The following AFMID variants were observed in gnomAD, a reference collection of about 807,000 sequenced individuals.
The protein encoded by AFMID is kynurenine formamidase.
A neutral mutation model predicts 47.5 loss-of-function variants in AFMID; 39 were observed. That is an observed-to-expected ratio of 0.82 (90% CI 0.64 to 1.07). The LOEUF (loss-of-function observed/expected upper bound fraction) is 1.07. Among genes scored for constraint, AFMID ranks in the 50% least tolerant of loss-of-function variants. AFMID has a pLI of 0.00. For synonymous variants in AFMID, 130 were observed against 153.2 expected, an observed-to-expected ratio of 0.85 and a Z score of 1.12; for missense variants, 375 against 387.5, an observed-to-expected ratio of 0.97 and a Z score of 0.27.
chr17:78,206,809 G>C (rs1417125866), intron 10 of AFMID, 102 bp from the exon 11 acceptor site: 15 of 1,352,152 alleles, frequency 1.1e-5, no homozygotes, highest in Non-Finnish European at 1.6e-5. Flanking sequence ...TGGGGTTGCA[G>C]ACGTGAGCCA....
At chr17:78,199,164 G>A (rs1480226075) in intron 2 of AFMID, among the ~76,000 whole-genome samples, 1 of 152,262 alleles carries the variant, frequency 6.6e-6, no homozygotes, top group African/African-American at 2.4e-5. Flanking sequence ...GCAGCTTCCT[G>A]CCTGGATTGG....
At chr17:78,198,026 C>T (rs553762920) in intron 2 of AFMID, among the ~76,000 whole-genome samples, 5 of 152,096 alleles carry the variant, frequency 3.3e-5, no homozygotes, top group East Asian at 1.9e-4. Context: ...CCCTGGAGTT[C>T]GAGAACAGCC....
chr17:78,191,038 C>A lies in AFMID; in HGVS notation c.132C>A (p.Thr44=), dbSNP rs897087402. ...VRLGAEEALR[T]YSQIGIEATT... ...TGGGAGCAGAGGAAGCCTTGAGGAC[C>A]TACTCACAGATAGGAATTGAAGGTA... The change falls in exon 2 of 11, where the codon ACC becomes ACA. Residue 44 remains threonine, a synonymous_variant. Transcript: ENST00000409257. The A allele has an allele frequency of 6.2e-7, 1 of 1,614,042 alleles. No homozygotes were observed. The highest frequency in any genetic ancestry group is 1.7e-5 in the Admixed American group (1 of 59,996).
At chr17:78,203,153 C>T (rs55788926) in intron 4 of AFMID, 26,192 of 166,548 alleles carry the variant, frequency 0.16, 2,693 homozygotes, top group Non-Finnish European at 0.22. Context: ...TTCTGCCTCC[C>T]GGGCTCAAGC....
intron 1 of AFMID, among the ~76,000 whole-genome samples, chr17:78,189,297 G>C (rs537350526): frequency 6.9e-6 from 1 of 144,848 alleles, no homozygotes; most frequent in African/African-American, 2.6e-5. Flanking sequence ...ATCTCAGCTC[G>C]CTGCAACCTC....
At position 78,187,403 on chromosome 17, in the gene AFMID, C is replaced by G. The variant is rs2075822447; in HGVS notation, c.33C>G (p.Ser11Arg). The change falls in exon 1 of 11, where the codon AGC becomes AGG. Residue 11 changes from serine to arginine, a missense_variant. Physicochemically the swap from Ser to Arg is moderately radical, Grantham distance 110. Coordinates refer to ENST00000409257, the MANE Select transcript of AFMID (RefSeq NM_001010982.5). The part of the protein sequence containing the change: MMDVSGVGFP[S>R]KVPWKKMSAE... Reference sequence around the variant, plus strand: ...ATGTGTCTGGTGTGGGTTTCCCAAGCAAGGTTCCTTGGAAGAAGATGTCTG... The same window carrying G: ...ATGTGTCTGGTGTGGGTTTCCCAAGGAAGGTTCCTTGGAAGAAGATGTCTG... 6.2e-7 allele frequency: 1 copy of G among 1,613,886 alleles called. No individual in the cohort carries two copies. The highest frequency in any genetic ancestry group is 8.5e-7 in the Non-Finnish European group (1 of 1,179,958).
intron 4 of AFMID, 124 bp downstream of exon 4, chr17:78,202,875 A>C: frequency 4.0e-5 from 48 of 1,193,006 alleles, no homozygotes; most frequent in Non-Finnish European, 5.2e-5. Context: ...GCTGTGTCTC[A>C]CAGCGCTGGA....
At position 78,197,129 on chromosome 17, in the gene AFMID, A is replaced by C; in HGVS notation, c.155-5370A>C. ...TTTTCTTAATCGTAGCACAACTTTAATCTAGTCCATTTATAGGCTTGAGAA... is the reference window on the plus strand; with the variant it reads ...TTTTCTTAATCGTAGCACAACTTTACTCTAGTCCATTTATAGGCTTGAGAA... On this transcript the variant is annotated intron_variant, in intron 2 of 10. Transcript: ENST00000409257. The C allele has an allele frequency of 1.9e-6, 3 of 1,547,074 alleles. No homozygotes were observed. In the East Asian group the frequency reaches 7.3e-5, roughly 38 times the overall value.
intron 2 of AFMID, among the ~76,000 whole-genome samples, chr17:78,198,837 C>A (rs572495619): frequency 4.7e-4 from 70 of 150,082 alleles, no homozygotes; most frequent in South Asian, 1.2e-3. Context: ...AAAACAAAAC[C>A]AAAACCACAC....
intron 4 of AFMID, chr17:78,203,057 T>C (rs8081565): frequency 0.036 from 1,734 of 47,614 alleles, 17 homozygotes; most frequent in African/African-American, 0.16. Flanking sequence ...TCCTCTCTCT[T>C]TTTTTTTTTT....
At chr17:78,201,378 T>C (rs956887908) in intron 2 of AFMID, among the ~76,000 whole-genome samples, 2 of 151,686 alleles carry the variant, frequency 1.3e-5, no homozygotes, top group African/African-American at 4.8e-5. Flanking sequence ...CCCAGCACTT[T>C]GGGAGGCCGA....
intron 1 of AFMID, among the ~76,000 whole-genome samples, chr17:78,189,899 C>G (rs1339565497): frequency 2.7e-5 from 4 of 148,268 alleles, no homozygotes; most frequent in African/African-American, 1.0e-4. Flanking sequence ...TAGCATGATC[C>G]CGGCTCACTG....
Position 78,202,045 on chromosome 17 carries a change from G to A in AFMID, c.155-454G>A, listed in dbSNP as rs371248651. ...GCACCCAGCCTGGCAGTCCTCTTTC[G>A]ATGGGAGGTGCTCAGAGCTGAAGCT... On this transcript the variant is annotated intron_variant, in intron 2 of 10. Coordinates refer to ENST00000409257, the MANE Select transcript of AFMID (RefSeq NM_001010982.5). Among the ~76,000 whole-genome samples, 170 of 151,896 alleles carry A rather than the reference G, an allele frequency of 1.1e-3. 2 individuals carry two copies. The highest frequency in any genetic ancestry group is 3.6e-3 in the African/African-American group (149 of 41,434).
rs762027873 is a variant in AFMID, at chr17:78,205,618, G to A, written c.660G>A (p.Arg220=). ...ALQLTLEDAQ[R]NSPQLKVAQA... is the part of the protein sequence containing the mutation. ...CCCACCCCAGGGAGGACGCTCAGAG[G>A]AATAGCCCCCAGCTGAAGGTGGCCC... The change falls in exon 9 of 11, where the codon AGG becomes AGA. Residue 220 remains arginine, a synonymous_variant. Coordinates refer to ENST00000409257, the MANE Select transcript of AFMID (RefSeq NM_001010982.5). 3.1e-6 allele frequency: 5 copies of A among 1,613,704 alleles called. No homozygotes were observed. In the East Asian group the frequency reaches 1.1e-4, roughly 36 times the overall value.
At position 78,202,872 on chromosome 17, in the gene AFMID, C is replaced by A. The variant is rs578110423; in HGVS notation, c.308+121C>A. 3.3e-6 allele frequency: 4 copies of A among 1,201,968 alleles called. No individual in the cohort carries two copies. The African/African-American group carries it at 4.5e-5, about 14-fold the overall frequency. The allele number at this position is 1,201,968 out of a possible 1,614,324, so 74.5% of individuals were successfully genotyped here. ...CTGGGCACTCCTTGCAGGGCTGTGT[C>A]TCACAGCGCTGGAGAACGGAAGTCT... On this transcript the variant is annotated intron_variant, in intron 4 of 10. Coordinates refer to ENST00000409257, the MANE Select transcript of AFMID (RefSeq NM_001010982.5).
Position 78,204,599 on chromosome 17 carries a change from A to C in AFMID, c.309-57A>C, listed in dbSNP as rs948504420. On this transcript the variant is annotated intron_variant, in intron 4 of 10. Coordinates refer to ENST00000409257, the MANE Select transcript of AFMID (RefSeq NM_001010982.5). ...CTGGCAAGTGGTGTGTCCAGGACAC[A>C]GGAAGCAGCGTAGTGGCCAAGCTGC... The C allele has an allele frequency of 1.9e-6, 3 of 1,557,504 alleles. No homozygotes were observed. In the Admixed American group the frequency reaches 5.0e-5, roughly 26 times the overall value.
At chr17:78,192,951 A>G (rs2076010783) in intron 2 of AFMID, among the ~76,000 whole-genome samples, 1 of 152,102 alleles carries the variant, frequency 6.6e-6, no homozygotes, top group African/African-American at 2.4e-5. Context: ...CAATTCCACC[A>G]TCCTCCTGTC....
At chr17:78,201,392 G>A (rs139876883) in intron 2 of AFMID, among the ~76,000 whole-genome samples, 6,312 of 151,868 alleles carry the variant, frequency 0.042, 291 homozygotes, top group African/African-American at 0.1. Context: ...AGGCCGAGGT[G>A]GATGGATCAT....
intron 2 of AFMID, among the ~76,000 whole-genome samples, chr17:78,191,841 C>G (rs569249364): frequency 4.6e-5 from 7 of 152,034 alleles, no homozygotes; most frequent in Admixed American, 1.3e-4. Flanking sequence ...AGGCGCACCT[C>G]TCCACACCCA....
Sources: allele counts gnomAD v4.1 joint callset (sites outside exome capture counted in the v4.1 genomes callset), GRCh38; gene constraint gnomAD v4.1.1; transcripts MANE v1.5; gene names NCBI Gene and HGNC (gene_info 2026-07-23, HGNC 2026-07-21).